Variants in NPL observed in about 807,000 individuals in gnomAD.
NPL encodes the protein N-acetylneuraminate pyruvate lyase.
In NPL, 32 loss-of-function variants were observed where a neutral mutation model predicts 41.1. The ratio of observed to expected loss-of-function variants is 0.78; its 90% CI spans 0.59 to 1.05. The LOEUF (loss-of-function observed/expected upper bound fraction) is 1.05. NPL is among the 50% of genes least tolerant of loss of function. NPL has a pLI of 0.00. For synonymous variants in NPL, 128 were observed against 134.9 expected, an observed-to-expected ratio of 0.95 and a Z score of 0.35; for missense variants, 321 against 378.4, an observed-to-expected ratio of 0.85 and a Z score of 1.26.
chr1:182,810,994 T>C (rs1667161563), intron 5 of NPL, among the ~76,000 whole-genome samples: 1 of 152,192 alleles, frequency 6.6e-6, no homozygotes, highest in Non-Finnish European at 1.5e-5. Flanking sequence ...GTACCACCTC[T>C]CAATTAGATT....
chr1:182,817,988 G>A (rs2102559339), intron 8 of NPL, among the ~76,000 whole-genome samples: 1 of 152,184 alleles, frequency 6.6e-6, no homozygotes, highest in East Asian at 1.9e-4. Context: ...CAGAGGCCAA[G>A]GGTGTGACTG....
intron 3 of NPL, among the ~76,000 whole-genome samples, chr1:182,795,244 G>A (rs1444842664): frequency 6.6e-6 from 1 of 152,128 alleles, no homozygotes; most frequent in Non-Finnish European, 1.5e-5. Flanking sequence ...AAGTTAGAAT[G>A]CTGGCTTATT....
At chr1:182,814,308 T>C (rs1667263315) in intron 6 of NPL, among the ~76,000 whole-genome samples, 1 of 152,190 alleles carries the variant, frequency 6.6e-6, no homozygotes, top group Non-Finnish European at 1.5e-5. Flanking sequence ...TTTGAGAAAA[T>C]ATCAGAAACA....
chr1:182,823,060 A>C (rs572777103), intron 11 of NPL, among the ~76,000 whole-genome samples: 1 of 152,318 alleles, frequency 6.6e-6, no homozygotes, highest in South Asian at 2.1e-4. Flanking sequence ...CCATGGTTCT[A>C]AAGTGTAAAT....
intron 8 of NPL, 115 bp from the exon 9 acceptor site, chr1:182,818,426 C>A: frequency 7.6e-7 from 1 of 1,309,710 alleles, no homozygotes; most frequent in Non-Finnish European, 1.1e-6. Flanking sequence ...GCCTAGTCTG[C>A]AGTCAGTTCT....
intron 8 of NPL, 34 bp downstream of exon 8, chr1:182,816,840 C>A: frequency 1.3e-6 from 2 of 1,499,984 alleles, no homozygotes; most frequent in Non-Finnish European, 1.9e-6. Context: ...TTCTTTCCTT[C>A]CAACTCTCAC....
At chr1:182,815,490 AATC>A (rs10543351) in intron 7 of NPL, among the ~76,000 whole-genome samples, 14,309 of 152,266 alleles carry the variant, frequency 0.094, 1,023 homozygotes, top group African/African-American at 0.19. Flanking sequence ...AATAGGTCTA[AATC>A]ATCATGAAAT....
In NPL at chr1:182,828,576, T is replaced by A; in HGVS notation, c.779-148T>A. 1 of 989,108 alleles carries A rather than the reference T, an allele frequency of 1.0e-6. No individual in the cohort carries two copies. The highest frequency in any genetic ancestry group is 2.2e-5 in the Admixed American group (1 of 44,876). The allele number at this position is 989,108 out of a possible 1,614,324, so 61.3% of individuals were successfully genotyped here. ...GAGGGATTTCGAATGATTGCTCATC[T>A]GTCATATTGACTAGAAATGTTCCCA... On this transcript the variant is annotated intron_variant, in intron 12 of 12. Coordinates refer to ENST00000367553, the MANE Select transcript of NPL (RefSeq NM_030769.3). The surrounding 1 kb of genome is among the most constrained non-coding windows in gnomAD (Gnocchi z 4.0).
At chr1:182,827,087 T>G (rs1166390495) in intron 12 of NPL, 1 of 152,242 alleles carries the variant, frequency 6.6e-6, no homozygotes, top group Non-Finnish European at 1.5e-5. Flanking sequence ...CACAGGTAAC[T>G]GAAACCATGG....
Position 182,823,470 on chromosome 1 carries a change from G to A in NPL, c.738+1271G>A, listed in dbSNP as rs80283639. On this transcript the variant is annotated intron_variant, in intron 11 of 12. Coordinates refer to ENST00000367553, the MANE Select transcript of NPL (RefSeq NM_030769.3). The stretch of plus-strand genomic sequence containing the variant: ...AGTTTAAATACCATATGTAATATTC[G>A]CCTTTGTCCTCAGACCAAGTGAAGC... 3.1e-3 allele frequency among the ~76,000 whole-genome samples: 472 copies of A among 152,256 alleles called. 3 individuals carry two copies. The highest frequency in any genetic ancestry group is 0.01 in the African/African-American group (435 of 41,570).
intron 10 of NPL, among the ~76,000 whole-genome samples, chr1:182,820,847 G>A (rs1210519292): frequency 6.6e-6 from 1 of 152,180 alleles, no homozygotes; most frequent in East Asian, 1.9e-4. Flanking sequence ...TTCAACCTGA[G>A]ATTTAGGCAG....
chr1:182,797,799 T>C (rs1453018745), intron 3 of NPL, among the ~76,000 whole-genome samples: 1 of 143,720 alleles, frequency 7.0e-6, no homozygotes, highest in Non-Finnish European at 1.5e-5. Context: ...GTTACTTGTC[T>C]ATGTCTTCCA....
rs745542142 is a variant in NPL, at chr1:182,818,870, C to G, written c.653+11C>G. On this transcript the variant is annotated intron_variant, in intron 10 of 12. Transcript: ENST00000367553. ...TGGAGCAGTGGGCAGGTAAGCATGA[C>G]TCATTTTTCCCAGTGGTTATAAAGT... The G allele has an allele frequency of 1.2e-6, 2 of 1,613,236 alleles. No individual in the cohort carries two copies. Among genetic ancestry groups the G allele is most frequent in the South Asian group, 1.1e-5 (1 of 91,072 alleles).
intron 5 of NPL, among the ~76,000 whole-genome samples, chr1:182,810,485 C>A (rs1212630243): frequency 3.3e-5 from 5 of 152,138 alleles, no homozygotes; most frequent in African/African-American, 4.8e-5. Flanking sequence ...GTGATACCAC[C>A]AAATACAGCA....
At chr1:182,820,963 C>G (rs1667472376) in intron 10 of NPL, among the ~76,000 whole-genome samples, 1 of 152,140 alleles carries the variant, frequency 6.6e-6, no homozygotes, top group Admixed American at 6.6e-5. Flanking sequence ...TTAATTCTGT[C>G]AACATAATCT....
In NPL at chr1:182,828,623, T is replaced by C; in HGVS notation, c.779-101T>C. ...CCCATCTTTTGTTTTAATCTTACCC[T>C]GTTGTAGTAGTTGCTGTTAGCATAT... On this transcript the variant is annotated intron_variant, in intron 12 of 12. Transcript: ENST00000367553. The surrounding 1 kb of genome is among the most constrained non-coding windows in gnomAD (Gnocchi z 4.0). 1 of 1,441,986 alleles carries C rather than the reference T, an allele frequency of 6.9e-7. No homozygotes were observed. Among genetic ancestry groups the C allele is most frequent in the Non-Finnish European group, 9.6e-7 (1 of 1,036,846 alleles). The allele number at this position is 1,441,986 out of a possible 1,614,324, so 89.3% of individuals were successfully genotyped here. A position where few individuals can be genotyped will look rare whatever the true frequency, so the allele number is the denominator to read the frequency against.
intron 1 of NPL, among the ~76,000 whole-genome samples, chr1:182,790,594 T>C (rs533106417): frequency 6.6e-6 from 1 of 152,088 alleles, no homozygotes; most frequent in African/African-American, 2.4e-5. Context: ...AAAATACTGA[T>C]CATTCTCTGT....
Position 182,829,024 on chromosome 1 carries a change from T to G in NPL, c.*116T>G. ...ATAAACTCTCCTAGCAAATGAAATC[T>G]CACAATAAGCATTGAGGTACCTTTT... On this transcript the variant is annotated 3_prime_UTR_variant, in exon 13 of 13. Transcript: ENST00000367553. The G allele has an allele frequency of 3.2e-6, 5 of 1,570,648 alleles. No individual in the cohort carries two copies. In the South Asian group the frequency reaches 4.6e-5, roughly 15 times the overall value.
chr1:182,800,378 G>C (rs934615436), intron 3 of NPL, among the ~76,000 whole-genome samples: 8 of 146,628 alleles, frequency 5.5e-5, no homozygotes, highest in African/African-American at 2.0e-4. Flanking sequence ...TGAGGCTGTA[G>C]TGAGCCGTGA....
Sources: gnomAD v4.1 joint callset for allele counts (sites outside exome capture counted in the v4.1 genomes callset) on GRCh38, gnomAD v4.1.1 for gene constraint, Gnocchi (gnomAD v3.1) non-coding constraint, MANE v1.5 for transcripts, NCBI Gene and HGNC (gene_info 2026-07-23, HGNC 2026-07-21) for gene names.